The following SELE variants were observed in gnomAD, a reference collection of about 807,000 sequenced individuals.
SELE encodes the protein selectin E.
In SELE, 52 loss-of-function variants were observed where a neutral mutation model predicts 75.8. The observed-to-expected ratio is 0.69, with a 90% CI of 0.55 to 0.86. The LOEUF (loss-of-function observed/expected upper bound fraction) is 0.86, where lower values mean the gene tolerates loss of function less well. Ranked by LOEUF, SELE falls within the 40% of genes least tolerant of loss-of-function variation. The pLI is 0.00. For synonymous variants in SELE, 285 were observed against 258.7 expected (o/e 1.10, Z -0.98); for missense variants, 754 against 732.7 (o/e 1.03, Z -0.34).
chr1:169,724,500 G>A lies in SELE; in HGVS notation c.*25C>T, dbSNP rs1168287838. On this transcript the variant is annotated 3_prime_UTR_variant, in exon 14 of 14. Coordinates refer to ENST00000333360, the MANE Select transcript of SELE (RefSeq NM_000450.2). The stretch of plus-strand genomic sequence containing the variant: ...AGTGTATCCCTCTAGTTCCCCAGAT[G>A]CACCTGTTTCTGTAAATATAAACAT... 2 of 152,188 alleles carry A rather than the reference G, an allele frequency of 1.3e-5. No homozygotes were observed. The highest frequency in any genetic ancestry group is 4.8e-5 in the African/African-American group (2 of 41,428). The allele number at this position is 152,188 out of a possible 1,614,324, so 9.4% of individuals were successfully genotyped here. A position where few individuals can be genotyped will look rare whatever the true frequency, so the allele number is the denominator to read the frequency against.
At position 169,724,376 on chromosome 1, in the gene SELE, A is replaced by C. The variant is rs551449865; in HGVS notation, c.*149T>G. The C allele has an allele frequency of 6.6e-6, 1 of 152,278 alleles. No individual in the cohort carries two copies. Among genetic ancestry groups the C allele is most frequent in the East Asian group, 1.9e-4 (1 of 5,176 alleles). 9.4% of individuals were successfully genotyped at this position (152,278 alleles called of 1,614,324 possible). On this transcript the variant is annotated 3_prime_UTR_variant, in exon 14 of 14. Coordinates refer to ENST00000333360, the MANE Select transcript of SELE (RefSeq NM_000450.2). Reference sequence around the variant, plus strand: ...TGCCTGCTGGACTTTGATCTATTGAAGTGGTGATGGGTGTTGCGGTTTCAG... The same window carrying C: ...TGCCTGCTGGACTTTGATCTATTGACGTGGTGATGGGTGTTGCGGTTTCAG...
chr1:169,732,157 G>A (rs931997088), intron 3 of SELE, among the ~76,000 whole-genome samples: 20 of 151,972 alleles, frequency 1.3e-4, no homozygotes, highest in African/African-American at 3.1e-4. Flanking sequence ...GGCACCTACC[G>A]TAGAAAATTT....
At chr1:169,727,318 ACC>A in intron 10 of SELE, 29 bp downstream of exon 10, 1 of 1,580,950 alleles carries the variant, frequency 6.3e-7, no homozygotes, top group Admixed American at 1.8e-5. Flanking sequence ...CTTTTTAATC[ACC>A]AGACAACCAC....
rs142216825 is a variant in SELE at position 169,732,681 on chromosome 1, C to G, written c.355G>C (p.Glu119Gln). 1.2e-6 allele frequency: 2 copies of G among 1,613,436 alleles called. No homozygotes were observed. The highest frequency in any genetic ancestry group is 1.7e-6 in the Non-Finnish European group (2 of 1,179,874). Reference protein sequence around the residue: ...EDCVEIYIKREKDVGMWNDER... With the variant: ...EDCVEIYIKRQKDVGMWNDER... ...TCATTCCACATGCCCACATCTTTTT[C>G]TCTCTTGATGTAGATCTCCACGCAG... Residue 119 changes from glutamate to glutamine, a missense_variant, in exon 3 of 14, where the codon GAA becomes CAA. Coordinates refer to ENST00000333360, the MANE Select transcript of SELE (RefSeq NM_000450.2).
In SELE at chr1:169,723,308, C is replaced by T. The variant is rs537563975; in HGVS notation, c.*1217G>A. The T allele has an allele frequency of 7.9e-5, 12 of 152,218 alleles. No individual in the cohort carries two copies. Among genetic ancestry groups the T allele is most frequent in the Non-Finnish European group, 1.8e-4 (12 of 68,038 alleles). The allele number at this position is 152,218 out of a possible 1,614,324, so 9.4% of individuals were successfully genotyped here. On this transcript the variant is annotated 3_prime_UTR_variant, in exon 14 of 14. Coordinates refer to ENST00000333360, the MANE Select transcript of SELE (RefSeq NM_000450.2). ...CATTCGTTAAAAATCTACCAGATGACTCTTTTACATGGTGAGTTTCTATTG... is the reference window on the plus strand; with the variant it reads ...CATTCGTTAAAAATCTACCAGATGATTCTTTTACATGGTGAGTTTCTATTG...
rs1276751876 is a variant in SELE, at chr1:169,722,965, ATC to A, written c.*1558_*1559del. ...CCTCTGCTGTTCTGATCCTTATCACATCTCTGTTTTGACTGTTGGCTTTGTTG... is the reference window on the plus strand; with the variant it reads ...CCTCTGCTGTTCTGATCCTTATCACATCTGTTTTGACTGTTGGCTTTGTTG... On this transcript the variant is annotated 3_prime_UTR_variant, in exon 14 of 14. Coordinates refer to ENST00000333360, the MANE Select transcript of SELE (RefSeq NM_000450.2). The A allele has an allele frequency of 6.6e-6, 1 of 152,078 alleles. No individual in the cohort carries two copies. Among genetic ancestry groups the A allele is most frequent in the Non-Finnish European group, 1.5e-5 (1 of 68,012 alleles). The allele number at this position is 152,078 out of a possible 1,614,324, so 9.4% of individuals were successfully genotyped here.
At chr1:169,727,699 A>G (rs777432025) in intron 9 of SELE, 40 bp downstream of exon 9, 4 of 1,595,208 alleles carry the variant, frequency 2.5e-6, no homozygotes, top group South Asian at 2.3e-5. Flanking sequence ...TTTATGAAGT[A>G]TTTGACCTGT....
chr1:169,730,941 A>G (rs567545065), intron 4 of SELE, among the ~76,000 whole-genome samples: 5 of 152,270 alleles, frequency 3.3e-5, no homozygotes, highest in East Asian at 3.9e-4. Flanking sequence ...TACCACAACA[A>G]ATTTCTTGTT....
Position 169,730,502 on chromosome 1 carries a change from C to T in SELE, c.645G>A (p.Leu215=). 1 of 1,614,022 alleles carries T rather than the reference C, an allele frequency of 6.2e-7. No homozygotes were observed. Among genetic ancestry groups the T allele is most frequent in the Middle Eastern group, 1.7e-4 (1 of 6,060 alleles). ...ACTGCATGGTCTCCATGCTGCTTGG[C>T]AGGTAACCCCTATCACAGCTGATAG... The part of the protein sequence containing the change: ...SCSISCDRGY[L]PSSMETMQCM... Residue 215 remains leucine, a synonymous_variant, in exon 5 of 14, where the codon CTG becomes CTA. Transcript: ENST00000333360.
intron 4 of SELE, 23 bp downstream of exon 4, chr1:169,731,812 A>C (rs1283031884): frequency 2.0e-6 from 3 of 1,533,364 alleles, no homozygotes; most frequent in Non-Finnish European, 2.7e-6. Flanking sequence ...TCAAGTGAAG[A>C]AAGAGGCAAG....
intron 7 of SELE, 140 bp downstream of exon 7, chr1:169,729,046 A>T: frequency 1.4e-6 from 1 of 715,464 alleles, no homozygotes; most frequent in Non-Finnish European, 2.2e-6. Flanking sequence ...TAGTTCTTTT[A>T]AATGAATCTC....
chr1:169,726,868 C>A (rs1648787434), intron 10 of SELE, 62 bp from the exon 11 acceptor site: 1 of 1,212,834 alleles, frequency 8.2e-7, no homozygotes, highest in East Asian at 2.4e-5. Flanking sequence ...TCTCTCCGTC[C>A]TGTCCCTTTG....
Position 169,724,268 on chromosome 1 carries a change from T to C in SELE, c.*257A>G, listed in dbSNP as rs1441499828. The C allele has an allele frequency of 6.6e-6, 1 of 152,208 alleles. No homozygotes were observed. The highest frequency in any genetic ancestry group is 1.5e-5 in the Non-Finnish European group (1 of 68,036). The allele number at this position is 152,208 out of a possible 1,614,324, so 9.4% of individuals were successfully genotyped here. On this transcript the variant is annotated 3_prime_UTR_variant, in exon 14 of 14. Coordinates refer to ENST00000333360, the MANE Select transcript of SELE (RefSeq NM_000450.2). ...CTTCACCTTTGCTTGGAAGAAAATA[T>C]CCTTTCCCTTCATTAGCCAACACTT... is the stretch of plus-strand genomic sequence containing the variant.
chr1:169,726,943 G>A (rs1648788817), intron 10 of SELE, 137 bp from the exon 11 acceptor site: 4 of 651,216 alleles, frequency 6.1e-6, no homozygotes, highest in South Asian at 5.8e-5. Context: ...AAGAAGCAGA[G>A]ATGTGGCATT....
rs1287818982 is a variant in SELE at position 169,723,677 on chromosome 1, G to A, written c.*848C>T. ...CTGGTTAACATCATGCCTTGCTAGG[G>A]GACAATAGTTTCCCTTTTTGAAATA... On this transcript the variant is annotated 3_prime_UTR_variant, in exon 14 of 14. Coordinates refer to ENST00000333360, the MANE Select transcript of SELE (RefSeq NM_000450.2). 4 of 152,084 alleles carry A rather than the reference G, an allele frequency of 2.6e-5. No homozygotes were observed. The highest frequency in any genetic ancestry group is 9.7e-5 in the African/African-American group (4 of 41,408). The allele number at this position is 152,084 out of a possible 1,614,324, so 9.4% of individuals were successfully genotyped here.
intron 5 of SELE, 136 bp downstream of exon 5, chr1:169,730,296 G>T: frequency 1.3e-6 from 1 of 776,844 alleles, no homozygotes; most frequent in Non-Finnish European, 1.9e-6. Context: ...TACATTGGCT[G>T]AGAGAACAAA....
At chr1:169,732,486 CTT>C in intron 3 of SELE, 127 bp downstream of exon 3, 1 of 1,152,138 alleles carries the variant, frequency 8.7e-7, no homozygotes. Flanking sequence ...AAGAGAGAAA[CTT>C]TAGCAGTTAA....
intron 5 of SELE, 107 bp downstream of exon 5, chr1:169,730,325 C>CAA: frequency 4.7e-5 from 47 of 990,052 alleles, no homozygotes; most frequent in Non-Finnish European, 5.2e-5. Flanking sequence ...AAAACAAAAA[C>CAA]AAAAAAAAAA....
Position 169,730,441 on chromosome 1 carries a change from C to T in SELE, c.706G>A (p.Ala236Thr). Residue 236 changes from alanine to threonine, a missense_variant, in exon 5 of 14, where the codon GCC becomes ACC. Transcript: ENST00000333360. ...SSGEWSAPIPACNVVECDAVT... is the reference protein window; with the variant it reads ...SSGEWSAPIPTCNVVECDAVT... ...TCTCAGAGGGATTTACCATTGCAGG[C>T]TGGAATAGGAGCACTCCATTCTCCA... 1 of 1,589,504 alleles carries T rather than the reference C, an allele frequency of 6.3e-7. No individual in the cohort carries two copies. Among genetic ancestry groups the T allele is most frequent in the Non-Finnish European group, 8.6e-7 (1 of 1,164,040 alleles).
Sources: allele counts gnomAD v4.1 joint callset (sites outside exome capture counted in the v4.1 genomes callset), GRCh38; gene constraint gnomAD v4.1.1; transcripts MANE v1.5; gene names NCBI Gene and HGNC (gene_info 2026-07-23, HGNC 2026-07-21).